The following CYP3A5 variants were observed in gnomAD, a reference collection of about 807,000 sequenced individuals.
The protein encoded by CYP3A5 is cytochrome P450 3A5.
CYP3A5 carries 51 observed loss-of-function variants against 55.9 expected under a neutral mutation model. That is an observed-to-expected ratio of 0.91 (90% CI 0.73 to 1.15). CYP3A5 has a LOEUF of 1.15. Among genes scored for constraint, CYP3A5 ranks in the 50% most tolerant of loss-of-function variants. The pLI is 0.00. For synonymous variants in CYP3A5, 196 were observed against 213.9 expected (o/e 0.92, Z 0.73); for missense variants, 533 against 596.6 (o/e 0.89, Z 1.11).
rs985649856 is a variant in CYP3A5, at chr7:99,653,959, G to A, written c.1027-1180C>T. 3.9e-5 allele frequency among the ~76,000 whole-genome samples: 6 copies of A among 152,252 alleles called. No individual in the cohort carries two copies. Among genetic ancestry groups the A allele is most frequent in the African/African-American group, 1.4e-4 (6 of 41,544 alleles). Reference sequence around the variant, plus strand: ...GGAGAGCTGAGTCAGCCTCCATCGCGCCCCCAGGGCCAGGCTACCTCAGAC... The same window carrying A: ...GGAGAGCTGAGTCAGCCTCCATCGCACCCCCAGGGCCAGGCTACCTCAGAC... On this transcript the variant is annotated intron_variant, in intron 10 of 12. Transcript: ENST00000222982. The surrounding 1 kb of genome is among the most constrained non-coding windows in gnomAD (Gnocchi z 4.2).
chr7:99,661,591 C>A (rs1409297473), intron 9 of CYP3A5, among the ~76,000 whole-genome samples: 1 of 152,208 alleles, frequency 6.6e-6, no homozygotes, highest in Non-Finnish European at 1.5e-5. Flanking sequence ...TTGGTCAGGA[C>A]TGGATTAGGA....
At position 99,662,638 on chromosome 7, in the gene CYP3A5, C is replaced by T. The variant is rs531035833; in HGVS notation, c.865+178G>A. Among the ~76,000 whole-genome samples, 40 of 152,296 alleles carry T rather than the reference C, an allele frequency of 2.6e-4. No homozygotes were observed. Among genetic ancestry groups the T allele is most frequent in the African/African-American group, 9.4e-4 (39 of 41,564 alleles). On this transcript the variant is annotated intron_variant, in intron 9 of 12. Coordinates refer to ENST00000222982, the MANE Select transcript of CYP3A5 (RefSeq NM_000777.5). This position sits in a 1 kb window ranked among gnomAD's most constrained non-coding sequence, Gnocchi z 4.3. ...GTTGCCCTTTCAGCCTGGAACATGG[C>T]TATACCTGTGGGCTTCTGGAAAGTG...
chr7:99,667,385 C>T (rs1432206687), intron 4 of CYP3A5, among the ~76,000 whole-genome samples: 1 of 152,176 alleles, frequency 6.6e-6, no homozygotes, highest in Non-Finnish European at 1.5e-5. Flanking sequence ...CAAGACCTAG[C>T]CCTTCCCCAG....
intron 1 of CYP3A5, chr7:99,677,364 C>A: frequency 2.0e-6 from 1 of 494,892 alleles, no homozygotes; most frequent in Non-Finnish European, 2.6e-6. Context: ...AGATGATGTG[C>A]ATAAAAGAAT....
chr7:99,663,880 A>G (rs750136126), intron 8 of CYP3A5, 88 bp downstream of exon 8: 4 of 1,458,882 alleles, frequency 2.7e-6, no homozygotes, highest in Non-Finnish European at 3.6e-6. Context: ...CTTTATTTTT[A>G]AAAATACAGA....
At chr7:99,658,910 C>T (rs1315650823) in intron 10 of CYP3A5, 4 of 152,194 alleles carry the variant, frequency 2.6e-5, no homozygotes, top group Admixed American at 6.5e-5. Context: ...ACGTAGTTCT[C>T]GTGCCATGGT....
rs1050346289 is a variant in CYP3A5, at chr7:99,679,305, C to T, written c.71+521G>A. Among the ~76,000 whole-genome samples, 17 of 151,928 alleles carry T rather than the reference C, an allele frequency of 1.1e-4. No individual in the cohort carries two copies. In the East Asian group the frequency reaches 1.5e-3, roughly 14 times the overall value. On this transcript the variant is annotated intron_variant, in intron 1 of 12. Transcript: ENST00000222982. The stretch of plus-strand genomic sequence containing the variant: ...CATGAAGTCTTGGTGTCCCCTGGTG[C>T]GTTATGTAAATGATATCCTGGGTTG...
At chr7:99,658,902 G>A (rs949913075) in intron 10 of CYP3A5, 5 of 152,120 alleles carry the variant, frequency 3.3e-5, no homozygotes, top group African/African-American at 4.8e-5. Context: ...CATTCATCAC[G>A]TAGTTCTCGT....
intron 10 of CYP3A5, 185 bp downstream of exon 10, chr7:99,660,314 C>T: frequency 8.7e-7 from 1 of 1,144,604 alleles, no homozygotes; most frequent in Non-Finnish European, 1.1e-6. Flanking sequence ...AGATCTTATG[C>T]TTCTGCCAGT....
intron 10 of CYP3A5, among the ~76,000 whole-genome samples, 174 bp from the exon 11 acceptor site, chr7:99,652,953 C>T (rs28365091): frequency 3.3e-5 from 5 of 152,160 alleles, no homozygotes; most frequent in African/African-American, 1.2e-4. Flanking sequence ...TGCTCAGTGA[C>T]CTACTGAGAT....
rs149888520 is a variant in CYP3A5 at position 99,652,742 on chromosome 7, T to C, written c.1064A>G (p.Tyr355Cys). 1.6e-4 allele frequency: 252 copies of C among 1,614,086 alleles called. 2 individuals carry two copies. The highest frequency in any genetic ancestry group is 1.3e-3 in the Middle Eastern group (8 of 6,062). Reference sequence around the variant, plus strand: ...TGTTTCATTCACCACCATGTCAAGGTACTCCATCTGTACCACGGCATCATA... The same window carrying C: ...TGTTTCATTCACCACCATGTCAAGGCACTCCATCTGTACCACGGCATCATA... ...PTYDAVVQME[Y>C]LDMVVNETLR... Residue 355 changes from tyrosine (Y) to cysteine (C), a missense_variant, in exon 11 of 13, where the codon TAC becomes TGC. Transcript: ENST00000222982.
Position 99,653,460 on chromosome 7 carries a change from A to AATAC in CYP3A5, c.1027-682_1027-681insGTAT, listed in dbSNP as rs1469730021. Among the ~76,000 whole-genome samples, 1 of 151,540 alleles carries AATAC rather than the reference A, an allele frequency of 6.6e-6. No homozygotes were observed. Among genetic ancestry groups the AATAC allele is most frequent in the Non-Finnish European group, 1.5e-5 (1 of 67,918 alleles). ...AGTCAGACCCTGTCTCAAATAAATAAATAAATAAATAAATAAATAAATAAA... is the reference window on the plus strand; with the variant it reads ...AGTCAGACCCTGTCTCAAATAAATAAATACATAAATAAATAAATAAATAAATAAA... On this transcript the variant is annotated intron_variant, in intron 10 of 12. Transcript: ENST00000222982. This position sits in a 1 kb window ranked among gnomAD's most constrained non-coding sequence, Gnocchi z 4.2.
intron 7 of CYP3A5, 106 bp downstream of exon 7, chr7:99,665,060 A>G: frequency 1.9e-6 from 2 of 1,055,168 alleles, no homozygotes; most frequent in South Asian, 3.4e-5. Flanking sequence ...TATCTTAAAA[A>G]CAATGGAATT....
intron 9 of CYP3A5, 108 bp from the exon 10 acceptor site, chr7:99,660,767 A>G (rs1012109139): frequency 2.2e-6 from 3 of 1,334,624 alleles, no homozygotes; most frequent in African/African-American, 1.5e-5. Context: ...AAAATGGAAA[A>G]GCAATTCAAA....
At chr7:99,679,508 A>G (rs1202233493) in intron 1 of CYP3A5, among the ~76,000 whole-genome samples, 1 of 152,192 alleles carries the variant, frequency 6.6e-6, no homozygotes, top group Non-Finnish European at 1.5e-5. Context: ...CATGATCAGC[A>G]GTTTGTAATC....
At chr7:99,675,610 C>CTTT (rs1190164080) in intron 2 of CYP3A5, among the ~76,000 whole-genome samples, 1 of 124,910 alleles carries the variant, frequency 8.0e-6, no homozygotes, top group Non-Finnish European at 1.7e-5. Context: ...CTCTCCTCTC[C>CTTT]TCTCTCCTCT....
chr7:99,674,355 T>C (rs963615267), intron 3 of CYP3A5, 178 bp downstream of exon 3: 3 of 487,504 alleles, frequency 6.2e-6, no homozygotes, highest in Admixed American at 3.9e-5. Flanking sequence ...GCAAGCAGAT[T>C]CCCATTGCAA....
chr7:99,655,606 T>G (rs2151377414), intron 10 of CYP3A5, among the ~76,000 whole-genome samples: 1 of 152,352 alleles, frequency 6.6e-6, no homozygotes, highest in African/African-American at 2.4e-5. Context: ...TTTTTTCCAG[T>G]TCTGTGAAGA....
chr7:99,678,690 A>C (rs1812528055), intron 1 of CYP3A5, among the ~76,000 whole-genome samples: 1 of 152,246 alleles, frequency 6.6e-6, no homozygotes, highest in African/African-American at 2.4e-5. Flanking sequence ...AAATGAATGA[A>C]TTTAAACCAT....
Sources: gnomAD v4.1 joint callset for allele counts (sites outside exome capture counted in the v4.1 genomes callset) on GRCh38, gnomAD v4.1.1 for gene constraint, Gnocchi (gnomAD v3.1) non-coding constraint, MANE v1.5 for transcripts, NCBI Gene and HGNC (gene_info 2026-07-23, HGNC 2026-07-21) for gene names.